The following TMEM117 variants were observed in gnomAD, a reference collection of about 807,000 sequenced individuals.
The protein encoded by TMEM117 is transmembrane protein 117.
A neutral mutation model predicts 52.4 loss-of-function variants in TMEM117; 27 were observed. The observed-to-expected ratio is 0.51, with a 90% confidence interval of 0.38 to 0.71. TMEM117 has a LOEUF of 0.71. Ranked by LOEUF, TMEM117 falls within the 30% of genes least tolerant of loss-of-function variation. The probability of loss-of-function intolerance (pLI) is 0.00; values close to 1 mark genes in which losing one functional copy is unlikely to be tolerated. For synonymous variants in TMEM117, 215 were observed against 206.3 expected (o/e 1.04, Z -0.36); for missense variants, 556 against 630.5 (o/e 0.88, Z 1.26).
intron 2 of TMEM117, among the ~76,000 whole-genome samples, chr12:43,939,012 A>T (rs1490883939): frequency 2.6e-5 from 4 of 151,926 alleles, no homozygotes; most frequent in African/African-American, 7.3e-5. Context: ...AATAAAAAAA[A>T]AAATAAAAAA....
At chr12:43,948,759 TA>T (rs1294377309) in intron 3 of TMEM117, among the ~76,000 whole-genome samples, 1 of 152,192 alleles carries the variant, frequency 6.6e-6, no homozygotes, top group Non-Finnish European at 1.5e-5. Context: ...ACAAAATCTT[TA>T]GAACAGCTGG....
At chr12:44,383,984 T>C (rs1236678505) in intron 7 of TMEM117, among the ~76,000 whole-genome samples, 2 of 152,146 alleles carry the variant, frequency 1.3e-5, no homozygotes, top group Non-Finnish European at 2.9e-5. Context: ...CAAAGAAACT[T>C]TTAGGGCTGG....
intron 3 of TMEM117, among the ~76,000 whole-genome samples, chr12:44,087,621 C>CG (rs1565822082): frequency 6.6e-6 from 1 of 152,056 alleles, no homozygotes. Context: ...TGTGCCCCCA[C>CG]GCCCGACCAA....
At chr12:44,117,323 TTATC>T (rs759833270) in intron 3 of TMEM117, among the ~76,000 whole-genome samples, 1 of 151,798 alleles carries the variant, frequency 6.6e-6, no homozygotes, top group Admixed American at 6.5e-5. Flanking sequence ...CATGGAAGCT[TTATC>T]TAATCCATAG....
chr12:44,184,143 T>G (rs566184974), intron 4 of TMEM117, among the ~76,000 whole-genome samples: 1 of 152,016 alleles, frequency 6.6e-6, no homozygotes, highest in Non-Finnish European at 1.5e-5. Flanking sequence ...GTCAGGAGTT[T>G]GAGAACAGCC....
the TMEM117 span, among the ~76,000 whole-genome samples, chr12:43,820,400 A>C: frequency 2.6e-5 from 4 of 152,252 alleles, no homozygotes; most frequent in African/African-American, 9.6e-5. Flanking sequence ...CAGCCTCCCG[A>C]GTAGCTGGGA....
chr12:43,993,437 C>T (rs924766871), intron 3 of TMEM117, among the ~76,000 whole-genome samples: 6 of 152,256 alleles, frequency 3.9e-5, no homozygotes, highest in African/African-American at 9.6e-5. Flanking sequence ...TTAACTCTTT[C>T]AAGGGACAGA....
intron 4 of TMEM117, among the ~76,000 whole-genome samples, chr12:44,183,627 T>C (rs1433818504): frequency 1.3e-5 from 2 of 152,146 alleles, no homozygotes; most frequent in Admixed American, 6.6e-5. Context: ...CAGAATGATT[T>C]TGTGCAAGTG....
At chr12:43,976,517 A>G (rs7298890) in intron 3 of TMEM117, among the ~76,000 whole-genome samples, 147,910 of 152,250 alleles carry the variant, frequency 0.97, 71,925 homozygotes, top group East Asian at 1. Context: ...AGAGCATCCT[A>G]AGCACGAATC....
intron 2 of TMEM117, among the ~76,000 whole-genome samples, chr12:43,918,180 G>A (rs10785470): frequency 0.17 from 26,242 of 152,072 alleles, 3,474 homozygotes; most frequent in African/African-American, 0.36. Context: ...ACTGTTACAA[G>A]GGGGACGTCA....
chr12:43,926,475 T>A (rs1003294898), intron 2 of TMEM117, among the ~76,000 whole-genome samples: 2 of 152,226 alleles, frequency 1.3e-5, no homozygotes, highest in African/African-American at 4.8e-5. Context: ...AATTTCAGAT[T>A]TAAATTCACA....
intron 6 of TMEM117, among the ~76,000 whole-genome samples, chr12:44,340,078 A>G (rs1476386681): frequency 6.6e-6 from 1 of 152,088 alleles, no homozygotes; most frequent in Non-Finnish European, 1.5e-5. Flanking sequence ...ACATAACTAC[A>G]TATAGAAATA....
At chr12:44,373,248 G>A (rs1353117192) in intron 6 of TMEM117, among the ~76,000 whole-genome samples, 1 of 152,184 alleles carries the variant, frequency 6.6e-6, no homozygotes, top group Non-Finnish European at 1.5e-5. Context: ...CAAGAAACCA[G>A]TAAGCTCCTG....
At chr12:44,154,037 T>C (rs1213298359) in intron 4 of TMEM117, among the ~76,000 whole-genome samples, 1 of 152,054 alleles carries the variant, frequency 6.6e-6, no homozygotes. Context: ...AAATAACTTC[T>C]TTTTTTCCTT....
rs148485607 is a variant in TMEM117 at position 44,116,930 on chromosome 12, G to A, written c.411-26595G>A. On this transcript the variant is annotated intron_variant, in intron 3 of 7. Transcript: ENST00000266534. Reference sequence around the variant, plus strand: ...CTAACTGATCTAATTTTATCTCATCGTAACCTTATGAATCTCCATGTTGTT... The same window carrying A: ...CTAACTGATCTAATTTTATCTCATCATAACCTTATGAATCTCCATGTTGTT... Among the ~76,000 whole-genome samples the A allele has an allele frequency of 6.1e-3, 933 of 152,088 alleles. 9 individuals are homozygous for A. Among genetic ancestry groups the A allele is most frequent in the African/African-American group, 0.019 (777 of 41,490 alleles).
chr12:44,198,904 G>C lies in TMEM117; in HGVS notation c.511-12386G>C, dbSNP rs142444143. ...AGCAATCAAACATAAAAAAAATGGA[G>C]TCATTTTTCATACTACAGTTATGAT... On this transcript the variant is annotated intron_variant, in intron 4 of 7. Transcript: ENST00000266534. Among the ~76,000 whole-genome samples the C allele has an allele frequency of 5.9e-4, 90 of 152,216 alleles. 2 individuals are homozygous for C. Among genetic ancestry groups the C allele is most frequent in the African/African-American group, 2.1e-3 (88 of 41,540 alleles).
rs966906105 is a variant in TMEM117 at position 43,996,058 on chromosome 12, TA to T, written c.410+51725del. On this transcript the variant is annotated intron_variant, in intron 3 of 7. Coordinates refer to ENST00000266534, the MANE Select transcript of TMEM117 (RefSeq NM_032256.3). The stretch of plus-strand genomic sequence containing the variant: ...AACCTGAAACAAATATAGGTAATGT[TA>T]AAAAAAAATGACAACAGAAATCTTT... Among the ~76,000 whole-genome samples, 611 of 151,198 alleles carry T rather than the reference TA, an allele frequency of 4.0e-3. 3 individuals carry two copies. The highest frequency in any genetic ancestry group is 0.014 in the African/African-American group (560 of 41,302).
At chr12:44,202,880 C>T (rs1208698392) in intron 4 of TMEM117, among the ~76,000 whole-genome samples, 1 of 151,938 alleles carries the variant, frequency 6.6e-6, no homozygotes, top group Non-Finnish European at 1.5e-5. Context: ...CCTCTGCCTC[C>T]AGGGTTCAAG....
At chr12:44,239,930 ATACTGGTAATT>A (rs1340866585) in intron 5 of TMEM117, among the ~76,000 whole-genome samples, 4 of 152,132 alleles carry the variant, frequency 2.6e-5, no homozygotes, top group African/African-American at 9.7e-5. Flanking sequence ...TACCAAATAA[ATACTGGTAATT>A]TCTGCTTTCC....
Sources: gnomAD v4.1 joint callset for allele counts (sites outside exome capture counted in the v4.1 genomes callset) on GRCh38, gnomAD v4.1.1 for gene constraint, MANE v1.5 for transcripts, NCBI Gene and HGNC (gene_info 2026-07-23, HGNC 2026-07-21) for gene names.